PPP6R2: variants seen among roughly 807,000 people sequenced by gnomAD.
PPP6R2 encodes serine/threonine-protein phosphatase 6 regulatory subunit 2.
In PPP6R2, 62 loss-of-function variants were observed where a neutral mutation model predicts 100.2. That is an observed-to-expected ratio of 0.62 (90% CI 0.50 to 0.76). The LOEUF is 0.76. Ranked by LOEUF, PPP6R2 falls within the 30% of genes least tolerant of loss-of-function variation. The pLI, the probability that PPP6R2 is intolerant of heterozygous loss-of-function variation, is 0.00. For missense variants in PPP6R2, 1,142 were observed against 1,276.3 expected, an observed-to-expected ratio of 0.89 and a Z score of 1.60; for synonymous variants, 525 against 514.7, an observed-to-expected ratio of 1.02 and a Z score of -0.27.
In PPP6R2 at chr22:50,403,610, G is replaced by T. The variant is rs548373902; in HGVS notation, c.228-3079G>T. 5.3e-5 allele frequency among the ~76,000 whole-genome samples: 8 copies of T among 152,314 alleles called. No individual in the cohort carries two copies. The South Asian group carries it at 6.2e-4, about 12-fold the overall frequency. The stretch of plus-strand genomic sequence containing the variant: ...GGGCCTGCCCCAGCCCCCTGCGCCA[G>T]CTCTCAGGCCCCCTCTCTGCCCACA... On this transcript the variant is annotated intron_variant, in intron 3 of 23. Coordinates refer to ENST00000612753, the MANE Select transcript of PPP6R2 (RefSeq NM_001242898.2).
chr22:50,428,016 A>G (rs376550171), intron 10 of PPP6R2, among the ~76,000 whole-genome samples: 77 of 150,608 alleles, frequency 5.1e-4, no homozygotes, highest in South Asian at 8.3e-4. Context: ...CACCACGCCC[A>G]GCCAATTTTT....
the PPP6R2 span, among the ~76,000 whole-genome samples, chr22:50,333,853 G>A: frequency 6.6e-6 from 1 of 152,154 alleles, no homozygotes; most frequent in South Asian, 2.1e-4. Context: ...GTTATTTATT[G>A]TTTACAAGGC....
chr22:50,342,907 C>T (rs923967252), upstream of PPP6R2, among the ~76,000 whole-genome samples: 2 of 152,136 alleles, frequency 1.3e-5, no homozygotes, highest in Non-Finnish European at 2.9e-5. Flanking sequence ...GCGTCCACGC[C>T]CCGCGGCCTC....
intron 12 of PPP6R2, among the ~76,000 whole-genome samples, chr22:50,434,324 G>A (rs1421125166): frequency 6.4e-4 from 41 of 64,060 alleles, no homozygotes; most frequent in African/African-American, 3.3e-3. Context: ...TTGCTCTGGA[G>A]GTGAACCTGG....
At chr22:50,385,355 C>T (rs951399837) in intron 2 of PPP6R2, among the ~76,000 whole-genome samples, 11 of 151,766 alleles carry the variant, frequency 7.2e-5, no homozygotes, top group Non-Finnish European at 1.5e-4. Flanking sequence ...ACTGCCATCA[C>T]GTCCGGCTAA....
chr22:50,380,438 GCAA>G (rs2052624564), intron 2 of PPP6R2, among the ~76,000 whole-genome samples: 1 of 151,010 alleles, frequency 6.6e-6, no homozygotes, highest in Non-Finnish European at 1.5e-5. Context: ...TCGGCTCACT[GCAA>G]CCTCTACCTC....
chr22:50,408,777 C>T (rs191087278), intron 4 of PPP6R2, among the ~76,000 whole-genome samples: 33 of 152,306 alleles, frequency 2.2e-4, no homozygotes, highest in African/African-American at 7.7e-4. Flanking sequence ...ATTCTCTCAC[C>T]CAGTACTTAA....
upstream of PPP6R2, among the ~76,000 whole-genome samples, chr22:50,340,235 GGTGT>G (rs755605358): frequency 1.3e-5 from 1 of 77,816 alleles, no homozygotes; most frequent in Non-Finnish European, 2.8e-5. Context: ...TATGGTATGT[GGTGT>G]GTGTGGTGTG....
At chr22:50,365,363 G>T (rs1005051570) in intron 1 of PPP6R2, among the ~76,000 whole-genome samples, 9 of 151,964 alleles carry the variant, frequency 5.9e-5, no homozygotes, top group African/African-American at 2.2e-4. Context: ...GAGCCGCCGT[G>T]CCTGGCATGA....
chr22:50,390,998 C>CAA (rs1159505649), intron 2 of PPP6R2, among the ~76,000 whole-genome samples: 4 of 97,172 alleles, frequency 4.1e-5, no homozygotes, highest in African/African-American at 3.7e-5. Flanking sequence ...AACTCCGTCT[C>CAA]AAAAAAAAAA....
chr22:50,405,778 G>GGCCTGGCAGGTGAGTGTGA (rs2058801416), intron 3 of PPP6R2, among the ~76,000 whole-genome samples: 1 of 127,076 alleles, frequency 7.9e-6, no homozygotes, highest in East Asian at 2.6e-4. Flanking sequence ...AGAGAGGTGA[G>GGCCTGGCAGGTGAGTGTGA]AGGCCTGGAG....
At chr22:50,349,329 A>C (rs1239677860) in intron 1 of PPP6R2, among the ~76,000 whole-genome samples, 10 of 137,374 alleles carry the variant, frequency 7.3e-5, no homozygotes, top group Non-Finnish European at 1.4e-4. Context: ...ACTCCATTGC[A>C]CTCCAGCCTG....
chr22:50,373,522 C>T (rs558283801), intron 2 of PPP6R2, among the ~76,000 whole-genome samples: 192 of 151,660 alleles, frequency 1.3e-3, no homozygotes, highest in African/African-American at 4.3e-3. Context: ...GGATTACAGG[C>T]GTGAGCCACC....
intron 9 of PPP6R2, among the ~76,000 whole-genome samples, chr22:50,422,872 G>C (rs2061519518): frequency 6.6e-6 from 1 of 152,150 alleles, no homozygotes; most frequent in African/African-American, 2.4e-5. Flanking sequence ...CCTCTCACTC[G>C]CCACCTTGGT....
rs576811307 is a variant in PPP6R2 at position 50,434,680 on chromosome 22, G to T, written c.1401-286G>T. 1.1e-4 allele frequency among the ~76,000 whole-genome samples: 11 copies of T among 99,338 alleles called. 1 individual carries two copies. The highest frequency in any genetic ancestry group is 2.0e-4 in the Non-Finnish European group (10 of 50,044). 65.2% of individuals were successfully genotyped at this position (99,338 alleles called of 152,430 possible). ...TGGGCAGGGGCCGGGCACTTGCCCTGGAGGTGAACCTGGAGGAGGGCCGGG... is the reference window on the plus strand; with the variant it reads ...TGGGCAGGGGCCGGGCACTTGCCCTTGAGGTGAACCTGGAGGAGGGCCGGG... On this transcript the variant is annotated intron_variant, in intron 12 of 23. Transcript: ENST00000612753.
rs767355276 is a variant in PPP6R2, at chr22:50,357,332, AG to A, written c.-148+13787del. Reference sequence around the variant, plus strand: ...ATACATAGTGAGGGGAGGAAGAGGAAGGGGGTGAATTTTTTTTGTTATACTA... The same window carrying A: ...ATACATAGTGAGGGGAGGAAGAGGAAGGGGTGAATTTTTTTTGTTATACTA... On this transcript the variant is annotated intron_variant, in intron 1 of 23. Transcript: ENST00000612753. 6.6e-5 allele frequency among the ~76,000 whole-genome samples: 10 copies of A among 152,224 alleles called. No homozygotes were observed. In the East Asian group the frequency reaches 1.3e-3, roughly 21 times the overall value.
intron 2 of PPP6R2, chr22:50,393,676 G>T (rs751661761): frequency 3.1e-6 from 3 of 972,580 alleles, no homozygotes; most frequent in African/African-American, 3.5e-5. Context: ...ACCTGGAGAG[G>T]TCTGATGGGA....
intron 2 of PPP6R2, among the ~76,000 whole-genome samples, chr22:50,384,689 G>A (rs1320092754): frequency 6.6e-6 from 1 of 152,346 alleles, no homozygotes; most frequent in South Asian, 2.1e-4. Flanking sequence ...GGGACATCAC[G>A]TGGCAAGGGA....
At chr22:50,432,167 G>T in intron 11 of PPP6R2, 98 bp from the exon 12 acceptor site, 1 of 1,127,236 alleles carries the variant, frequency 8.9e-7, no homozygotes, top group Non-Finnish European at 1.3e-6. Flanking sequence ...CCACACAGAC[G>T]TGGCCGCCAG....
Sources: allele counts gnomAD v4.1 joint callset (sites outside exome capture counted in the v4.1 genomes callset), GRCh38; gene constraint gnomAD v4.1.1; transcripts MANE v1.5; gene names NCBI Gene and HGNC (gene_info 2026-07-23, HGNC 2026-07-21).